RNF180: variants seen among roughly 807,000 people sequenced by gnomAD.
RNF180 encodes ring finger protein 180.
In RNF180, 38 loss-of-function variants were observed where a neutral mutation model predicts 59.2. The observed-to-expected ratio is 0.64, with a 90% CI of 0.50 to 0.84. The LOEUF is 0.84. Among genes scored for constraint, RNF180 ranks in the 40% least tolerant of loss-of-function variants. RNF180 has a pLI of 0.00. For missense variants in RNF180, 705 were observed against 700.9 expected, an observed-to-expected ratio of 1.01 and a Z score of -0.07; for synonymous variants, 262 against 240.3, an observed-to-expected ratio of 1.09 and a Z score of -0.84.
intron 1 of RNF180, among the ~76,000 whole-genome samples, chr5:64,183,673 C>T (rs1458144673): frequency 6.6e-6 from 1 of 152,100 alleles, no homozygotes; most frequent in African/African-American, 2.4e-5. Flanking sequence ...GTCTTGAATT[C>T]TTGGCCTCAA....
At chr5:64,308,136 A>G (rs1259434161) in intron 5 of RNF180, among the ~76,000 whole-genome samples, 2 of 151,792 alleles carry the variant, frequency 1.3e-5, no homozygotes, top group Non-Finnish European at 2.9e-5. Flanking sequence ...GCATAGGAAG[A>G]ATGAAAGGTG....
intron 7 of RNF180, among the ~76,000 whole-genome samples, chr5:64,351,863 C>T (rs1298156654): frequency 6.6e-6 from 1 of 151,942 alleles, no homozygotes; most frequent in Admixed American, 6.6e-5. Context: ...GTCTAAAATT[C>T]TCTTTTTTGT....
chr5:64,186,310 A>G (rs1278312237), intron 1 of RNF180, among the ~76,000 whole-genome samples: 1 of 152,166 alleles, frequency 6.6e-6, no homozygotes, highest in Non-Finnish European at 1.5e-5. Flanking sequence ...TATTATCAAC[A>G]TTTGGTTAAA....
At chr5:64,205,834 A>T (rs1276195460) in intron 2 of RNF180, among the ~76,000 whole-genome samples, 1 of 152,092 alleles carries the variant, frequency 6.6e-6, no homozygotes, top group East Asian at 1.9e-4. Context: ...AATAGGAGAG[A>T]GCAGTAGTTA....
chr5:64,317,271 G>T (rs575885535), intron 5 of RNF180, among the ~76,000 whole-genome samples: 1 of 152,036 alleles, frequency 6.6e-6, no homozygotes, highest in South Asian at 2.1e-4. Flanking sequence ...TTGTTTCCCA[G>T]TGCATATAAA....
chr5:64,245,427 T>G (rs1051398471), intron 5 of RNF180, among the ~76,000 whole-genome samples: 1 of 152,150 alleles, frequency 6.6e-6, no homozygotes, highest in East Asian at 1.9e-4. Flanking sequence ...GAGGAATATT[T>G]AACAAGCACA....
intron 5 of RNF180, among the ~76,000 whole-genome samples, chr5:64,256,883 A>G (rs907509034): frequency 3.9e-5 from 6 of 152,152 alleles, no homozygotes; most frequent in African/African-American, 1.4e-4. Flanking sequence ...TTCGTTGAGC[A>G]GTGGTTTGTA....
rs745764118 is a variant in RNF180, at chr5:64,313,488, C to T, written c.1228-11698C>T. Among the ~76,000 whole-genome samples the T allele has an allele frequency of 5.2e-4, 79 of 152,128 alleles. 1 individual carries two copies. The highest frequency in any genetic ancestry group is 7.9e-4 in the Admixed American group (12 of 15,254). ...CACGTTGCTGAAAAGGACATGATCT[C>T]ATTCTTTTGATAGCTGCATAGTATT... On this transcript the variant is annotated intron_variant, in intron 5 of 7. Transcript: ENST00000389100.
intron 5 of RNF180, among the ~76,000 whole-genome samples, chr5:64,255,684 G>A (rs1743901481): frequency 6.6e-6 from 1 of 152,158 alleles, no homozygotes; most frequent in African/African-American, 2.4e-5. Flanking sequence ...CGTTATAGCA[G>A]CATGATTTAT....
intron 1 of RNF180, among the ~76,000 whole-genome samples, chr5:64,172,615 G>A (rs1223563194): frequency 6.6e-6 from 1 of 152,158 alleles, no homozygotes; most frequent in East Asian, 1.9e-4. Context: ...AGTATCTGAT[G>A]ATAAATGTAA....
intron 2 of RNF180, among the ~76,000 whole-genome samples, chr5:64,209,141 T>C (rs1358137911): frequency 6.6e-6 from 1 of 152,006 alleles, no homozygotes; most frequent in East Asian, 1.9e-4. Flanking sequence ...AGTGTTCTTA[T>C]CTGTAAGACA....
intron 2 of RNF180, among the ~76,000 whole-genome samples, chr5:64,210,768 C>T (rs1752272696): frequency 6.6e-6 from 1 of 152,092 alleles, no homozygotes; most frequent in South Asian, 2.1e-4. Flanking sequence ...TTTGAAGATA[C>T]CTTTCTCCTG....
chr5:64,328,851 G>A (rs1744767732), intron 6 of RNF180, among the ~76,000 whole-genome samples: 1 of 152,208 alleles, frequency 6.6e-6, no homozygotes, highest in South Asian at 2.1e-4. Context: ...AATGCTACAG[G>A]TGATCATTGC....
chr5:64,224,323 T>C (rs1741538428), intron 5 of RNF180, among the ~76,000 whole-genome samples: 1 of 152,078 alleles, frequency 6.6e-6, no homozygotes, highest in Non-Finnish European at 1.5e-5. Context: ...AGAACCATAC[T>C]GGGAGAGAGA....
At chr5:64,341,858 G>T (rs969095316) in intron 7 of RNF180, among the ~76,000 whole-genome samples, 2 of 152,124 alleles carry the variant, frequency 1.3e-5, no homozygotes, top group African/African-American at 2.4e-5. Context: ...GTTATGAAAA[G>T]TTATAGCAGA....
chr5:64,283,341 C>G (rs1045882507), intron 5 of RNF180, among the ~76,000 whole-genome samples: 1 of 151,472 alleles, frequency 6.6e-6, no homozygotes, highest in Non-Finnish European at 1.5e-5. Context: ...TTTCTTCATC[C>G]CTTTCCTTTA....
chr5:64,303,708 G>C (rs1468155133), intron 5 of RNF180, among the ~76,000 whole-genome samples: 1 of 151,648 alleles, frequency 6.6e-6, no homozygotes, highest in Non-Finnish European at 1.5e-5. Flanking sequence ...AAGGAAAGAA[G>C]CTGTCTCTAT....
chr5:64,365,173 G>T (rs541091946), intron 7 of RNF180, among the ~76,000 whole-genome samples: 27 of 151,386 alleles, frequency 1.8e-4, no homozygotes, highest in African/African-American at 6.5e-4. Context: ...CTAACTTTTT[G>T]ATGTGGGTGT....
intron 7 of RNF180, among the ~76,000 whole-genome samples, chr5:64,353,786 A>G (rs960392037): frequency 1.3e-5 from 2 of 151,858 alleles, no homozygotes; most frequent in African/African-American, 2.4e-5. Context: ...CGCTGACCGC[A>G]TAGAATGAAG....
Sources: allele counts gnomAD v4.1 joint callset (sites outside exome capture counted in the v4.1 genomes callset), GRCh38; gene constraint gnomAD v4.1.1; transcripts MANE v1.5; gene names NCBI Gene and HGNC (gene_info 2026-07-23, HGNC 2026-07-21).